Variants in PPP4R1 observed in about 807,000 individuals in gnomAD.
PPP4R1 encodes serine/threonine-protein phosphatase 4 regulatory subunit 1.
A neutral mutation model predicts 111.2 loss-of-function variants in PPP4R1; 42 were observed. That is an observed-to-expected ratio of 0.38 (90% CI 0.29 to 0.49). PPP4R1 has a LOEUF of 0.49. Among genes scored for constraint, PPP4R1 ranks in the 20% least tolerant of loss-of-function variants. The pLI is 0.97. For missense variants in PPP4R1, 1,012 were observed against 1,161.6 expected (o/e 0.87, Z 1.87); for synonymous variants, 409 against 405.5 (o/e 1.01, Z -0.10).
In PPP4R1 at chr18:9,547,896, C is replaced by T. The variant is rs185380978; in HGVS notation, c.2746G>A (p.Ala916Thr). Residue 916 changes from alanine to threonine, a missense_variant, in exon 20 of 20, where the codon GCT becomes ACT. By Grantham distance (58) the Ala-to-Thr change is moderately conservative (BLOSUM62 0). Coordinates refer to ENST00000400556, the MANE Select transcript of PPP4R1 (RefSeq NM_001042388.3). ...TCGCTGTCACGGTCCATCTGAAGAG[C>T]CATGATGGTCTGCTCCACAGCCTCC... Reference protein sequence around the residue: ...HQEAVEQTIMALQMDRDSDVK... With the variant: ...HQEAVEQTIMTLQMDRDSDVK... The T allele has an allele frequency of 2.7e-5, 43 of 1,613,938 alleles. No individual in the cohort carries two copies. The Admixed American group carries it at 5.0e-4, about 19-fold the overall frequency.
intron 11 of PPP4R1, among the ~76,000 whole-genome samples, chr18:9,569,374 G>C (rs1251548429): frequency 6.6e-6 from 1 of 152,180 alleles, no homozygotes; most frequent in Non-Finnish European, 1.5e-5. Flanking sequence ...CCACGCCCGA[G>C]ACAGAGTCTT....
chr18:9,584,621 A>T (rs780119338), intron 7 of PPP4R1, 41 bp from the exon 8 acceptor site: 12 of 1,606,804 alleles, frequency 7.5e-6, no homozygotes, highest in Non-Finnish European at 1.0e-5. Flanking sequence ...AATATTACAC[A>T]TAAGGTTCTT....
At chr18:9,612,365 A>ATAC (rs990721690) in intron 2 of PPP4R1, 9 of 152,292 alleles carry the variant, frequency 5.9e-5, no homozygotes, top group African/African-American at 2.2e-4. Flanking sequence ...GGTAACTGTA[A>ATAC]TACTGTACTG....
At chr18:9,574,519 T>C (rs2066908429) in intron 10 of PPP4R1, among the ~76,000 whole-genome samples, 2 of 152,350 alleles carry the variant, frequency 1.3e-5, no homozygotes, top group South Asian at 4.1e-4. Context: ...TAAGCTAAAC[T>C]GGAAAAATCC....
Position 9,614,475 on chromosome 18 carries a change from T to C in PPP4R1, c.7+3A>G. ...GCCGCCCGGAGAACAGGGGGCCACG[T>C]ACCCGCCATCTTGTGGTCGCCCCCT... On this transcript the variant is annotated splice_donor_region_variant and intron_variant, in intron 1 of 19. Transcript: ENST00000400556. This position sits in a 1 kb window ranked among gnomAD's most constrained non-coding sequence, Gnocchi z 4.1. The C allele has an allele frequency of 9.7e-7, 1 of 1,028,858 alleles. No homozygotes were observed. The highest frequency in any genetic ancestry group is 7.6e-5 in the East Asian group (1 of 13,142). 63.7% of individuals were successfully genotyped at this position (1,028,858 alleles called of 1,614,324 possible).
intron 4 of PPP4R1, among the ~76,000 whole-genome samples, chr18:9,591,680 C>T (rs1598942763): frequency 6.6e-6 from 1 of 152,204 alleles, no homozygotes; most frequent in South Asian, 2.1e-4. Flanking sequence ...TTAGAAACCT[C>T]AGGGTCAAAT....
At chr18:9,561,903 C>T in intron 13 of PPP4R1, 77 bp downstream of exon 13, 1 of 1,194,202 alleles carries the variant, frequency 8.4e-7, no homozygotes, top group East Asian at 2.4e-5. Flanking sequence ...AAAGAAGGGG[C>T]AAATTAGGTC....
chr18:9,546,824 TC>T lies in PPP4R1; in HGVS notation c.*964del, dbSNP rs1479068686. The T allele has an allele frequency of 6.6e-6, 1 of 152,152 alleles. No homozygotes were observed. Among genetic ancestry groups the T allele is most frequent in the African/African-American group, 2.4e-5 (1 of 41,410 alleles). 9.4% of individuals were successfully genotyped at this position (152,152 alleles called of 1,614,324 possible). A position where few individuals can be genotyped will look rare whatever the true frequency, so the allele number is the denominator to read the frequency against. ...AAAAGACAAATATTTTAATCTAGTT[TC>T]CCCACTTTAAATCATTAATACAGGT... is the stretch of plus-strand genomic sequence containing the variant. On this transcript the variant is annotated 3_prime_UTR_variant, in exon 20 of 20. Coordinates refer to ENST00000400556, the MANE Select transcript of PPP4R1 (RefSeq NM_001042388.3).
At chr18:9,591,922 C>G (rs1478233088) in intron 4 of PPP4R1, among the ~76,000 whole-genome samples, 2 of 152,114 alleles carry the variant, frequency 1.3e-5, no homozygotes, top group African/African-American at 4.8e-5. Context: ...CAAAAATTAA[C>G]TGGGTGTAGT....
Position 9,570,275 on chromosome 18 carries a change from T to C in PPP4R1, c.1455A>G (p.Pro485=). 6.2e-7 allele frequency: 1 copy of C among 1,611,970 alleles called. No individual in the cohort carries two copies. Among genetic ancestry groups the C allele is most frequent in the Non-Finnish European group, 8.5e-7 (1 of 1,179,162 alleles). ...NSGGKPSPEG[P]EEESEGPVPS... ...GCACAGGGCCCTCAGATTCTTCCTC[T>C]GGTCCCTCTGGGCTGGGTTTTCCCC... Residue 485 remains proline, a synonymous_variant, in exon 11 of 20, where the codon CCA becomes CCG. Transcript: ENST00000400556.
intron 15 of PPP4R1, among the ~76,000 whole-genome samples, chr18:9,556,553 A>G (rs1297074282): frequency 6.6e-6 from 1 of 152,198 alleles, no homozygotes; most frequent in African/African-American, 2.4e-5. Context: ...TAGAATTACC[A>G]GAGTCAATTT....
At position 9,581,097 on chromosome 18, in the gene PPP4R1, G is replaced by A. The variant is rs186823042; in HGVS notation, c.918+2020C>T. On this transcript the variant is annotated intron_variant, in intron 9 of 19. Transcript: ENST00000400556. Reference sequence around the variant, plus strand: ...CAGTAACAAGCCCCCATGGGGGAGCGAGGACAACCAGTATCAAACTACACA... The same window carrying A: ...CAGTAACAAGCCCCCATGGGGGAGCAAGGACAACCAGTATCAAACTACACA... Among the ~76,000 whole-genome samples the A allele has an allele frequency of 1.6e-3, 240 of 151,786 alleles. 1 individual carries two copies. The highest frequency in any genetic ancestry group is 5.4e-3 in the African/African-American group (223 of 41,354).
At chr18:9,576,722 C>T (rs191348955) in intron 10 of PPP4R1, among the ~76,000 whole-genome samples, 56 of 147,874 alleles carry the variant, frequency 3.8e-4, no homozygotes, top group African/African-American at 1.3e-3. Flanking sequence ...TAACAATTAC[C>T]CTGTATATTG....
chr18:9,561,949 C>T (rs1201762378), intron 13 of PPP4R1, 31 bp downstream of exon 13: 1 of 1,544,020 alleles, frequency 6.5e-7, no homozygotes, highest in East Asian at 2.3e-5. Flanking sequence ...AGGAACACAC[C>T]CACAAAAGAA....
intron 11 of PPP4R1, among the ~76,000 whole-genome samples, chr18:9,566,580 G>A (rs1054068751): frequency 1.3e-5 from 2 of 151,996 alleles, no homozygotes; most frequent in Non-Finnish European, 2.9e-5. Flanking sequence ...GAACTTGGGA[G>A]ACAGAGGTTG....
At chr18:9,574,316 G>GA (rs1382614552) in intron 10 of PPP4R1, among the ~76,000 whole-genome samples, 1 of 152,166 alleles carries the variant, frequency 6.6e-6, no homozygotes, top group Non-Finnish European at 1.5e-5. Context: ...TATGGGCCTA[G>GA]AAAATTAATT....
chr18:9,607,308 C>G (rs1004377315), intron 2 of PPP4R1, among the ~76,000 whole-genome samples: 1 of 151,296 alleles, frequency 6.6e-6, no homozygotes, highest in African/African-American at 2.4e-5. Flanking sequence ...TTGCAGTGAG[C>G]CAAGATAGTG....
intron 2 of PPP4R1, among the ~76,000 whole-genome samples, chr18:9,602,700 A>G (rs1296566612): frequency 1.3e-5 from 2 of 152,032 alleles, no homozygotes; most frequent in Non-Finnish European, 2.9e-5. Flanking sequence ...TCTCTTCTAA[A>G]AATACAAAAA....
upstream of PPP4R1, chr18:9,615,064 C>A (rs2067671093): frequency 6.6e-6 from 1 of 152,314 alleles, no homozygotes; most frequent in Admixed American, 6.5e-5. Flanking sequence ...GTCGTCGGGG[C>A]CGGGGTCCCA....
Sources: gnomAD v4.1 joint callset for allele counts (sites outside exome capture counted in the v4.1 genomes callset) on GRCh38, gnomAD v4.1.1 for gene constraint, Gnocchi (gnomAD v3.1) non-coding constraint, MANE v1.5 for transcripts, NCBI Gene and HGNC (gene_info 2026-07-23, HGNC 2026-07-21) for gene names.